OSBPL3: variants seen among roughly 807,000 people sequenced by gnomAD.
OSBPL3 encodes oxysterol-binding protein-related protein 3.
Under a neutral mutation model 120.1 loss-of-function variants are expected in OSBPL3, and 65 were observed. That is an observed-to-expected ratio of 0.54 (90% CI 0.44 to 0.67). OSBPL3 has a LOEUF of 0.67. Ranked by LOEUF, OSBPL3 falls within the 30% of genes least tolerant of loss-of-function variation. OSBPL3 has a pLI of 0.00. For missense variants in OSBPL3, 1,004 were observed against 1,082.1 expected (o/e 0.93, Z 1.01); for synonymous variants, 416 against 402.6 (o/e 1.03, Z -0.40).
chr7:24,837,007 TG>T (rs1391480240), intron 14 of OSBPL3, among the ~76,000 whole-genome samples: 1 of 151,784 alleles, frequency 6.6e-6, no homozygotes. Flanking sequence ...GCTAATTTTT[TG>T]TATTTTTGTA....
rs779035753 is a variant in OSBPL3 at position 24,972,811 on chromosome 7, C to A, written c.-150+7075G>T. ...AAACATTTCAGATGACTGTCCACCA[C>A]AAATTACTTGGGGAGGGAGAAATAT... On this transcript the variant is annotated intron_variant, in intron 1 of 22. Coordinates refer to ENST00000313367, the MANE Select transcript of OSBPL3 (RefSeq NM_015550.4). This position sits in a 1 kb window ranked among gnomAD's most constrained non-coding sequence, Gnocchi z 4.3. 6.6e-6 allele frequency among the ~76,000 whole-genome samples: 1 copy of A among 152,072 alleles called. No individual in the cohort carries two copies. Among genetic ancestry groups the A allele is most frequent in the African/African-American group, 2.4e-5 (1 of 41,400 alleles).
chr7:24,811,954 C>T (rs1452679185), intron 19 of OSBPL3, among the ~76,000 whole-genome samples: 2 of 152,112 alleles, frequency 1.3e-5, no homozygotes, highest in African/African-American at 4.8e-5. Flanking sequence ...TGTAACTCAA[C>T]TAATATTTGT....
In OSBPL3 at chr7:24,872,744, T is replaced by C. The variant is rs1187708731; in HGVS notation, c.97-675A>G. 1.3e-5 allele frequency among the ~76,000 whole-genome samples: 2 copies of C among 152,192 alleles called. No homozygotes were observed. The highest frequency in any genetic ancestry group is 4.8e-5 in the African/African-American group (2 of 41,448). The stretch of plus-strand genomic sequence containing the variant: ...TCTTTCTTTGGCCAATTATTACAAA[T>C]AGTTGTTACAACTAATCTTCCACTA... On this transcript the variant is annotated intron_variant, in intron 2 of 22. Transcript: ENST00000313367. The surrounding 1 kb of genome is among the most constrained non-coding windows in gnomAD (Gnocchi z 4.1).
chr7:24,905,155 G>C (rs1807705412), intron 1 of OSBPL3, among the ~76,000 whole-genome samples: 1 of 143,000 alleles, frequency 7.0e-6, no homozygotes, highest in Non-Finnish European at 1.6e-5. Flanking sequence ...TAAGCTTCTG[G>C]GTGTGGAAAC....
intron 10 of OSBPL3, among the ~76,000 whole-genome samples, chr7:24,858,788 C>A (rs757846624): frequency 6.6e-6 from 1 of 152,204 alleles, no homozygotes; most frequent in Non-Finnish European, 1.5e-5. Context: ...AGGACTGGAT[C>A]AATGGATCCA....
chr7:24,890,287 T>TG (rs1323546313), intron 2 of OSBPL3, among the ~76,000 whole-genome samples: 2 of 152,332 alleles, frequency 1.3e-5, no homozygotes, highest in East Asian at 3.9e-4. Flanking sequence ...ATGTAAATCT[T>TG]GAAGTTTTAA....
At position 24,879,021 on chromosome 7, in the gene OSBPL3, C is replaced by T. The variant is rs1222380198; in HGVS notation, c.97-6952G>A. On this transcript the variant is annotated intron_variant, in intron 2 of 22. Transcript: ENST00000313367. The surrounding 1 kb of genome is among the most constrained non-coding windows in gnomAD (Gnocchi z 5.6). ...ACTAACGGGTGGGAACTACAAGGCC[C>T]TGGATTCCAGCTTTGCCTAAAGGAT... is the stretch of plus-strand genomic sequence containing the variant. 6.6e-6 allele frequency among the ~76,000 whole-genome samples: 1 copy of T among 152,146 alleles called. No homozygotes were observed. Among genetic ancestry groups the T allele is most frequent in the Non-Finnish European group, 1.5e-5 (1 of 68,030 alleles).
At chr7:24,980,195 C>T, upstream of OSBPL3, 1 of 330,698 alleles carries the variant, frequency 3.0e-6, no homozygotes, top group Non-Finnish European at 4.3e-6. Flanking sequence ...CGCCGCCCGG[C>T]GATTAGCCCG....
intron 1 of OSBPL3, among the ~76,000 whole-genome samples, chr7:24,975,391 T>A (rs182637058): frequency 6.8e-4 from 103 of 152,372 alleles, no homozygotes; most frequent in African/African-American, 2.2e-3. Context: ...AAAATGATGA[T>A]GGCATATTCG....
intron 1 of OSBPL3, among the ~76,000 whole-genome samples, chr7:24,909,783 CTTTTTTTTTTTTTTTTTTT>C (rs10591188): frequency 1.3e-5 from 1 of 77,294 alleles, no homozygotes; most frequent in Non-Finnish European, 2.3e-5. Context: ...TTTTTTCTTT[CTTTTTTTTTTTTTTTTTTT>C]TTTTTTGGAG....
At chr7:24,973,290 C>A (rs1470985105) in intron 1 of OSBPL3, among the ~76,000 whole-genome samples, 1 of 152,112 alleles carries the variant, frequency 6.6e-6, no homozygotes, top group Non-Finnish European at 1.5e-5. Context: ...ATATAGACAG[C>A]AACATAATTT....
chr7:24,847,198 G>C (rs1311426642), intron 12 of OSBPL3, among the ~76,000 whole-genome samples: 1 of 152,190 alleles, frequency 6.6e-6, no homozygotes, highest in African/African-American at 2.4e-5. Flanking sequence ...AGGTAACCGG[G>C]AGTTACCGAA....
rs111227579 is a variant in OSBPL3 at position 24,818,424 on chromosome 7, G to A, written c.1949-1736C>T. Among the ~76,000 whole-genome samples the A allele has an allele frequency of 0.021, 3,183 of 152,160 alleles. 62 individuals carry two copies. The highest frequency in any genetic ancestry group is 0.049 in the African/African-American group (2,031 of 41,490). On this transcript the variant is annotated intron_variant, in intron 17 of 22. Transcript: ENST00000313367. The surrounding 1 kb of genome is among the most constrained non-coding windows in gnomAD (Gnocchi z 4.0). ...ACATGGTTTATGATATACAGAAGAC[G>A]TATGAAAAAATAGTAGAGAGGTTGG...
rs539717369 is a variant in OSBPL3 at position 24,952,385 on chromosome 7, G to A, written c.-150+27501C>T. On this transcript the variant is annotated intron_variant, in intron 1 of 22. Transcript: ENST00000313367. This position sits in a 1 kb window ranked among gnomAD's most constrained non-coding sequence, Gnocchi z 4.4. The stretch of plus-strand genomic sequence containing the variant: ...GTCATGTAATCACTAATCATATACC[G>A]GTTATCTAGGTCTCCTGACATTCAA... Among the ~76,000 whole-genome samples, 61 of 152,206 alleles carry A rather than the reference G, an allele frequency of 4.0e-4. No individual in the cohort carries two copies. The highest frequency in any genetic ancestry group is 6.7e-4 in the African/African-American group (28 of 41,528).
At chr7:24,928,243 G>C (rs965957830) in intron 1 of OSBPL3, among the ~76,000 whole-genome samples, 1 of 149,036 alleles carries the variant, frequency 6.7e-6, no homozygotes, top group Non-Finnish European at 1.5e-5. Context: ...CCAGGCTGGA[G>C]TGCAGCAGCA....
In OSBPL3 at chr7:24,834,345, G is replaced by A. The variant is rs1796733734; in HGVS notation, c.1746+141C>T. 1.3e-6 allele frequency: 2 copies of A among 1,499,368 alleles called. No individual in the cohort carries two copies. The highest frequency in any genetic ancestry group is 8.9e-7 in the Non-Finnish European group (1 of 1,123,986). The allele number at this position is 1,499,368 out of a possible 1,614,324, so 92.9% of individuals were successfully genotyped here. On this transcript the variant is annotated intron_variant, in intron 15 of 22. Coordinates refer to ENST00000313367, the MANE Select transcript of OSBPL3 (RefSeq NM_015550.4). This position sits in a 1 kb window ranked among gnomAD's most constrained non-coding sequence, Gnocchi z 5.2. ...ACAGCCAGGCGGAGGAAGCCAGACA[G>A]CTCTGAGTAATGAACCTGTTTACGG... is the stretch of plus-strand genomic sequence containing the variant.
chr7:24,820,932 A>G lies in OSBPL3; in HGVS notation c.1885-694T>C, dbSNP rs568161859. On this transcript the variant is annotated intron_variant, in intron 16 of 22. Transcript: ENST00000313367. This position sits in a 1 kb window ranked among gnomAD's most constrained non-coding sequence, Gnocchi z 4.6. ...AAGCAAATAAGTAATCTCATTCCAGAAAAGAGAATCCCCTGGAGCAGAGAG... is the reference window on the plus strand; with the variant it reads ...AAGCAAATAAGTAATCTCATTCCAGGAAAGAGAATCCCCTGGAGCAGAGAG... 9.2e-5 allele frequency among the ~76,000 whole-genome samples: 14 copies of G among 152,346 alleles called. No homozygotes were observed. The highest frequency in any genetic ancestry group is 3.4e-4 in the African/African-American group (14 of 41,590).
Position 24,872,452 on chromosome 7 carries a change from T to A in OSBPL3, c.97-383A>T, listed in dbSNP as rs62450563. Among the ~76,000 whole-genome samples the A allele has an allele frequency of 0.099, 12,019 of 121,970 alleles. 683 individuals carry two copies. Among genetic ancestry groups the A allele is most frequent in the East Asian group, 0.39 (1,465 of 3,770 alleles). 80.0% of individuals were successfully genotyped at this position (121,970 alleles called of 152,430 possible). On this transcript the variant is annotated intron_variant, in intron 2 of 22. Coordinates refer to ENST00000313367, the MANE Select transcript of OSBPL3 (RefSeq NM_015550.4). This position sits in a 1 kb window ranked among gnomAD's most constrained non-coding sequence, Gnocchi z 4.1. ...TCTGAATTTTAACCGAAAGAGAGTG[T>A]GTGTGTGTGTGTGTGTGTGTGTGTG...
At chr7:24,962,884 G>T (rs1434311554) in intron 1 of OSBPL3, among the ~76,000 whole-genome samples, 1 of 152,090 alleles carries the variant, frequency 6.6e-6, no homozygotes, top group African/African-American at 2.4e-5. Flanking sequence ...CACCATTGTT[G>T]AATTCTTTTA....
Sources: gnomAD v4.1 joint callset for allele counts (sites outside exome capture counted in the v4.1 genomes callset) on GRCh38, gnomAD v4.1.1 for gene constraint, Gnocchi (gnomAD v3.1) non-coding constraint, MANE v1.5 for transcripts, NCBI Gene and HGNC (gene_info 2026-07-23, HGNC 2026-07-21) for gene names.